The following PTPRU variants were observed in gnomAD, a reference collection of about 807,000 sequenced individuals.
The protein encoded by PTPRU is protein tyrosine phosphatase receptor type U, also known as receptor-type tyrosine-protein phosphatase U.
In PTPRU, 69 loss-of-function variants were observed where a neutral mutation model predicts 166.3. That is an observed-to-expected ratio of 0.41 (90% CI 0.34 to 0.51). PTPRU has a LOEUF of 0.51. Ranked by LOEUF, PTPRU falls within the 20% of genes least tolerant of loss-of-function variation. PTPRU has a pLI of 0.09. For missense variants in PTPRU, 1,657 were observed against 2,013.7 expected, an observed-to-expected ratio of 0.82 and a Z score of 3.39; for synonymous variants, 793 against 814.0, an observed-to-expected ratio of 0.97 and a Z score of 0.44.
At chr1:29,241,089 C>G (rs1684034367) in intron 1 of PTPRU, among the ~76,000 whole-genome samples, 1 of 152,110 alleles carries the variant, frequency 6.6e-6, no homozygotes, top group Non-Finnish European at 1.5e-5. Context: ...GTTAGGGTGT[C>G]TAGCCATCTG....
In PTPRU at chr1:29,291,346, A is replaced by G. The variant is rs536582479; in HGVS notation, c.2319-523A>G. On this transcript the variant is annotated intron_variant, in intron 14 of 29. Coordinates refer to ENST00000373779, the MANE Select transcript of PTPRU (RefSeq NM_133178.4). The surrounding 1 kb of genome is among the most constrained non-coding windows in gnomAD (Gnocchi z 4.1). The stretch of plus-strand genomic sequence containing the variant: ...AGCCCCCGAGCTCTGGCTGAGCACA[A>G]GCTAGACTCTCTGCGGGGAAGGAGG... Among the ~76,000 whole-genome samples the G allele has an allele frequency of 7.9e-4, 120 of 152,102 alleles. 1 individual carries two copies. The highest frequency in any genetic ancestry group is 3.4e-3 in the Middle Eastern group (1 of 294).
rs1371233220 is a variant in PTPRU, at chr1:29,326,669, C to T, written c.*1008C>T. The T allele has an allele frequency of 6.6e-6, 1 of 152,242 alleles. No homozygotes were observed. The highest frequency in any genetic ancestry group is 1.5e-5 in the Non-Finnish European group (1 of 68,106). 9.4% of individuals were successfully genotyped at this position (152,242 alleles called of 1,614,324 possible). The stretch of plus-strand genomic sequence containing the variant: ...CTTTAAAATGGGGCAGGCCACACCC[C>T]CATTCCGTGCCTCAATTTCCCCATC... On this transcript the variant is annotated 3_prime_UTR_variant, in exon 30 of 30. Transcript: ENST00000373779.
In PTPRU at chr1:29,269,467, C is replaced by T. The variant is rs6694492; in HGVS notation, c.1145-5981C>T. 6.1e-3 allele frequency among the ~76,000 whole-genome samples: 922 copies of T among 151,356 alleles called. 13 individuals carry two copies. The highest frequency in any genetic ancestry group is 0.022 in the African/African-American group (891 of 41,260). ...TCATGGGCTGAATGCCCACTTTGTG[C>T]TGGGCACTGTGAAACAGTTTTCATA... On this transcript the variant is annotated intron_variant, in intron 7 of 29. Transcript: ENST00000373779.
intron 12 of PTPRU, among the ~76,000 whole-genome samples, chr1:29,283,572 C>T (rs1686201380): frequency 6.6e-6 from 1 of 152,192 alleles, no homozygotes; most frequent in Non-Finnish European, 1.5e-5. Context: ...CCTGAAGCCC[C>T]ACCTTATCCT....
At position 29,238,811 on chromosome 1, in the gene PTPRU, C is replaced by T. The variant is rs1683907613; in HGVS notation, c.73+2094C>T. ...ACCACCATCGCTTTGATTTCAAGAA[C>T]ACTCACAAGCCCCAAGCCCTGCCAG... On this transcript the variant is annotated intron_variant, in intron 1 of 29. Coordinates refer to ENST00000373779, the MANE Select transcript of PTPRU (RefSeq NM_133178.4). The surrounding 1 kb of genome is among the most constrained non-coding windows in gnomAD (Gnocchi z 6.1). Among the ~76,000 whole-genome samples the T allele has an allele frequency of 6.6e-6, 1 of 152,124 alleles. No homozygotes were observed. The highest frequency in any genetic ancestry group is 1.5e-5 in the Non-Finnish European group (1 of 68,020).
At chr1:29,266,545 G>A (rs1040084867) in intron 7 of PTPRU, among the ~76,000 whole-genome samples, 23 of 152,210 alleles carry the variant, frequency 1.5e-4, no homozygotes, top group African/African-American at 4.3e-4. Context: ...TGGTGGGTCA[G>A]AATGTTCCAG....
intron 25 of PTPRU, among the ~76,000 whole-genome samples, chr1:29,319,062 G>A (rs2151970015): frequency 6.6e-6 from 1 of 152,034 alleles, no homozygotes; most frequent in East Asian, 1.9e-4. Context: ...GAAGGGGAGG[G>A]GAAGAGCTGC....
intron 25 of PTPRU, among the ~76,000 whole-genome samples, chr1:29,318,822 C>T (rs1469946235): frequency 2.0e-5 from 3 of 152,218 alleles, no homozygotes; most frequent in African/African-American, 4.8e-5. Flanking sequence ...AGCAGCCTCG[C>T]TCATGGGAGG....
rs148293511 is a variant in PTPRU, at chr1:29,279,088, C to T, written c.1530C>T (p.Pro510=). Residue 510 remains proline, a synonymous_variant, in exon 9 of 30, where the codon CCC becomes CCT. Transcript: ENST00000373779. This position sits in a 1 kb window ranked among gnomAD's most constrained non-coding sequence, Gnocchi z 5.2. ...TGATCTTCCTCAAGTGGGAGGAGCC[C>T]CAGGAGCCCAATGGTCTCATCACCC... ...EDMIFLKWEE[P]QEPNGLITQY... is the part of the protein sequence containing the mutation. 1.7e-5 allele frequency: 27 copies of T among 1,586,748 alleles called. No individual in the cohort carries two copies. In the African/African-American group the frequency reaches 3.4e-4, roughly 20 times the overall value.
chr1:29,302,386 T>A (rs1483990611), intron 15 of PTPRU, among the ~76,000 whole-genome samples: 1 of 152,174 alleles, frequency 6.6e-6, no homozygotes, highest in Non-Finnish European at 1.5e-5. Context: ...ATAAGTGTAT[T>A]GTAGCCTAAG....
At position 29,236,929 on chromosome 1, in the gene PTPRU, G is replaced by C. The variant is rs762272491; in HGVS notation, c.73+212G>C. Among the ~76,000 whole-genome samples the C allele has an allele frequency of 3.9e-5, 6 of 152,186 alleles. No individual in the cohort carries two copies. Among genetic ancestry groups the C allele is most frequent in the Non-Finnish European group, 8.8e-5 (6 of 68,038 alleles). On this transcript the variant is annotated intron_variant, in intron 1 of 29. Coordinates refer to ENST00000373779, the MANE Select transcript of PTPRU (RefSeq NM_133178.4). This position sits in a 1 kb window ranked among gnomAD's most constrained non-coding sequence, Gnocchi z 4.6. ...TTCTGTGCGCAAGAAAAGGTGATGT[G>C]TGTCGGCGAGTATGTTGGGGGTGAA...
rs114856862 is a variant in PTPRU, at chr1:29,273,123, T to C, written c.1145-2325T>C. Among the ~76,000 whole-genome samples, 1,273 of 152,120 alleles carry C rather than the reference T, an allele frequency of 8.4e-3. 20 individuals carry two copies. The highest frequency in any genetic ancestry group is 0.029 in the African/African-American group (1,213 of 41,492). The stretch of plus-strand genomic sequence containing the variant: ...GAGAGAAAAGGATCAGTTGATGCAG[T>C]CTTGGTGTCTTCCCTCATTTTACTG... On this transcript the variant is annotated intron_variant, in intron 7 of 29. Transcript: ENST00000373779.
intron 1 of PTPRU, among the ~76,000 whole-genome samples, chr1:29,240,138 G>T (rs1209791182): frequency 6.6e-6 from 1 of 152,124 alleles, no homozygotes; most frequent in Non-Finnish European, 1.5e-5. Flanking sequence ...CTTTTTGCTG[G>T]TGAACTCCTG....
intron 28 of PTPRU, among the ~76,000 whole-genome samples, chr1:29,324,014 CCT>C (rs1688290770): frequency 6.6e-6 from 1 of 152,228 alleles, no homozygotes. Flanking sequence ...TGCCCAGTAT[CCT>C]CTGTGTGATG....
At chr1:29,325,533 C>G (rs561687125) in intron 29 of PTPRU, 66 bp from the exon 30 acceptor site, 11 of 1,544,370 alleles carry the variant, frequency 7.1e-6, no homozygotes, top group Non-Finnish European at 8.9e-6. Flanking sequence ...CTCCCCGTTC[C>G]CCTCCCCCCA....
intron 7 of PTPRU, among the ~76,000 whole-genome samples, chr1:29,270,216 G>T (rs781188754): frequency 3.5e-4 from 53 of 152,278 alleles, no homozygotes; most frequent in Non-Finnish European, 7.1e-4. Flanking sequence ...CTGTAGGCTG[G>T]TAATGACTGT....
At chr1:29,273,715 T>G (rs1044776198) in intron 7 of PTPRU, among the ~76,000 whole-genome samples, 2 of 152,140 alleles carry the variant, frequency 1.3e-5, no homozygotes, top group African/African-American at 4.8e-5. Context: ...GTTTCTTTAT[T>G]TATAAGATGG....
Position 29,311,348 on chromosome 1 carries a change from G to C in PTPRU, c.2858-108G>C. ...TGGGCAGCATGAAGCCCCCGTTGGG[G>C]CTCAGGAGGCCTCCTGGCCTGGGGT... On this transcript the variant is annotated intron_variant, in intron 19 of 29. Transcript: ENST00000373779. This position sits in a 1 kb window ranked among gnomAD's most constrained non-coding sequence, Gnocchi z 4.1. 1.9e-6 allele frequency: 2 copies of C among 1,057,120 alleles called. No homozygotes were observed. The highest frequency in any genetic ancestry group is 2.9e-4 in the Middle Eastern group (1 of 3,494). 65.5% of individuals were successfully genotyped at this position (1,057,120 alleles called of 1,614,324 possible). A position where few individuals can be genotyped will look rare whatever the true frequency, so the allele number is the denominator to read the frequency against.
chr1:29,311,386 GGTGCTGGAT>G lies in PTPRU; in HGVS notation c.2858-63_2858-55del. 1 of 1,476,794 alleles carries G rather than the reference GGTGCTGGAT, an allele frequency of 6.8e-7. No homozygotes were observed. The highest frequency in any genetic ancestry group is 9.4e-7 in the Non-Finnish European group (1 of 1,064,864). 91.5% of individuals were successfully genotyped at this position (1,476,794 alleles called of 1,614,324 possible). The stretch of plus-strand genomic sequence containing the variant: ...CCTGGCCTGGGGTGTGGTGCTGGAT[GGTGCTGGAT>G]GTGCTGACCTGGGGTGGAGACCTTG... On this transcript the variant is annotated intron_variant, in intron 19 of 29. Coordinates refer to ENST00000373779, the MANE Select transcript of PTPRU (RefSeq NM_133178.4). This position sits in a 1 kb window ranked among gnomAD's most constrained non-coding sequence, Gnocchi z 4.1.
Sources: allele counts gnomAD v4.1 joint callset (sites outside exome capture counted in the v4.1 genomes callset), GRCh38; gene constraint gnomAD v4.1.1; non-coding constraint Gnocchi (gnomAD v3.1); transcripts MANE v1.5; gene names NCBI Gene and HGNC (gene_info 2026-07-23, HGNC 2026-07-21).